RBM6: variants seen among roughly 807,000 people sequenced by gnomAD.
RBM6 encodes RNA-binding protein 6.
A neutral mutation model predicts 140.4 loss-of-function variants in RBM6; 23 were observed. The observed-to-expected ratio is 0.16, with a 90% CI of 0.12 to 0.23. RBM6 has a LOEUF of 0.23. Among genes scored for constraint, RBM6 ranks in the 10% least tolerant of loss-of-function variants. The pLI is 1.00. For missense variants in RBM6, 1,139 were observed against 1,386.7 expected, an observed-to-expected ratio of 0.82 and a Z score of 2.84; for synonymous variants, 439 against 475.6, an observed-to-expected ratio of 0.92 and a Z score of 1.00.
chr3:49,976,843 A>T (rs2085083947), intron 5 of RBM6, among the ~76,000 whole-genome samples: 1 of 152,202 alleles, frequency 6.6e-6, no homozygotes, highest in Admixed American at 6.5e-5. Context: ...GAATTGGCAG[A>T]CTGAAGACAT....
intron 1 of RBM6, among the ~76,000 whole-genome samples, chr3:49,960,413 A>G (rs1203143630): frequency 6.6e-6 from 1 of 152,168 alleles, no homozygotes; most frequent in Admixed American, 6.6e-5. Context: ...TGTTTTTCTG[A>G]TGTTTCTATG....
At chr3:49,954,304 G>C (rs551638819) in intron 1 of RBM6, among the ~76,000 whole-genome samples, 1 of 152,062 alleles carries the variant, frequency 6.6e-6, no homozygotes, top group South Asian at 2.1e-4. Flanking sequence ...GCTGGGCGTG[G>C]TGGCACGTGC....
At chr3:50,047,302 G>T (rs2089268588) in intron 6 of RBM6, 1 of 985,260 alleles carries the variant, frequency 1.0e-6, no homozygotes, top group South Asian at 4.7e-5. Flanking sequence ...ACAGCGCAGG[G>T]GCTAGTTCCA....
chr3:50,068,582 T>C (rs765833335), intron 17 of RBM6, 108 bp from the exon 18 acceptor site: 14 of 938,302 alleles, frequency 1.5e-5, no homozygotes, highest in Non-Finnish European at 2.3e-5. Context: ...GTAGATCTGA[T>C]CAATCAAAAG....
Position 50,066,325 on chromosome 3 carries a change from G to A in RBM6, c.2766G>A (p.Gln922=), listed in dbSNP as rs147895205. Residue 922 remains glutamine, a synonymous_variant, in exon 17 of 21, where the codon CAG becomes CAA. Coordinates refer to ENST00000266022, the MANE Select transcript of RBM6 (RefSeq NM_005777.3). ...ATGAGGAGGAAGAAGAGGAGGAACA[G>A]ACCCCTCCCCCACAGCCCCGCACAG... ...SDYEEEEEEE[Q]TPPPQPRTAQ... is the part of the protein sequence containing the mutation. 2.0e-3 allele frequency: 3,254 copies of A among 1,614,106 alleles called. 7 individuals are homozygous for A. Among genetic ancestry groups the A allele is most frequent in the Non-Finnish European group, 2.6e-3 (3,076 of 1,180,026 alleles).
At chr3:49,945,694 A>G (rs1027004497) in intron 1 of RBM6, among the ~76,000 whole-genome samples, 3 of 152,116 alleles carry the variant, frequency 2.0e-5, no homozygotes, top group Admixed American at 2.0e-4. Context: ...CATCCTGGCC[A>G]ACACGGTGAA....
intron 6 of RBM6, among the ~76,000 whole-genome samples, chr3:50,031,856 A>G (rs1200805908): frequency 1.3e-5 from 2 of 152,154 alleles, no homozygotes; most frequent in Non-Finnish European, 2.9e-5. Context: ...ATTGGTTGTA[A>G]CTCAAAAGAT....
chr3:49,993,907 A>C (rs1389629553), intron 5 of RBM6, among the ~76,000 whole-genome samples: 1 of 152,054 alleles, frequency 6.6e-6, no homozygotes, highest in East Asian at 1.9e-4. Flanking sequence ...GTGCCATTGC[A>C]CTCTAGCCTG....
intron 6 of RBM6, among the ~76,000 whole-genome samples, chr3:50,022,709 T>C (rs763718285): frequency 2.0e-5 from 3 of 152,196 alleles, no homozygotes; most frequent in African/African-American, 7.2e-5. Flanking sequence ...ATATTTCTTT[T>C]GTGACTTGTT....
intron 5 of RBM6, among the ~76,000 whole-genome samples, chr3:49,992,936 A>T (rs2085893174): frequency 6.6e-6 from 1 of 152,164 alleles, no homozygotes; most frequent in South Asian, 2.1e-4. Flanking sequence ...CTTTTTCCTG[A>T]TTGTTGCTTT....
At chr3:50,000,149 G>C in intron 6 of RBM6, among the ~76,000 whole-genome samples, 1 of 152,262 alleles carries the variant, frequency 6.6e-6, no homozygotes, top group South Asian at 2.1e-4. Context: ...GAGTTACTCA[G>C]CTTGCCACCT....
chr3:49,959,044 C>T (rs186521047), intron 1 of RBM6, among the ~76,000 whole-genome samples: 29 of 152,086 alleles, frequency 1.9e-4, no homozygotes, highest in African/African-American at 6.0e-4. Flanking sequence ...CAACCCACTT[C>T]GGCCTCCCAA....
At chr3:49,982,964 G>T (rs767025985) in intron 5 of RBM6, among the ~76,000 whole-genome samples, 6 of 151,948 alleles carry the variant, frequency 3.9e-5, no homozygotes, top group African/African-American at 4.8e-5. Flanking sequence ...CACCTGCCTC[G>T]GCCTCCCAAA....
At position 50,057,718 on chromosome 3, in the gene RBM6, G is replaced by A. The variant is rs756088953; in HGVS notation, c.1694-10G>A. On this transcript the variant is annotated splice_polypyrimidine_tract_variant and intron_variant, in intron 8 of 20. Transcript: ENST00000266022. The stretch of plus-strand genomic sequence containing the variant: ...CTTTCTAGAGATTCTCTTTGTTTCT[G>A]TTCCACTAGTGACAGAGGCCAAGCA... The A allele has an allele frequency of 2.8e-6, 4 of 1,432,620 alleles. No individual in the cohort carries two copies. The highest frequency in any genetic ancestry group is 4.1e-5 in the Admixed American group (2 of 48,638). The allele number at this position is 1,432,620 out of a possible 1,614,324, so 88.7% of individuals were successfully genotyped here.
intron 1 of RBM6, among the ~76,000 whole-genome samples, chr3:49,943,388 G>A (rs1255328754): frequency 2.6e-5 from 4 of 151,852 alleles, no homozygotes; most frequent in East Asian, 3.9e-4. Context: ...CTGCAGCCTC[G>A]AACTCGAGCT....
chr3:49,953,751 C>T (rs749844877), intron 1 of RBM6, among the ~76,000 whole-genome samples: 8 of 150,958 alleles, frequency 5.3e-5, no homozygotes, highest in South Asian at 4.2e-4. Context: ...AATTCCTGAC[C>T]TCAGATGATC....
At chr3:50,000,992 C>G (rs2086301404) in intron 6 of RBM6, among the ~76,000 whole-genome samples, 1 of 152,166 alleles carries the variant, frequency 6.6e-6, no homozygotes, top group South Asian at 2.1e-4. Context: ...GAATGACAGG[C>G]TTAGGACCAT....
At chr3:49,961,536 C>T (rs1258391122) in intron 1 of RBM6, among the ~76,000 whole-genome samples, 3 of 152,010 alleles carry the variant, frequency 2.0e-5, no homozygotes, top group Non-Finnish European at 4.4e-5. Flanking sequence ...CACGGTGGCT[C>T]ACGCCTGTAA....
At chr3:49,982,719 A>G (rs1256137367) in intron 5 of RBM6, among the ~76,000 whole-genome samples, 1 of 147,938 alleles carries the variant, frequency 6.8e-6, no homozygotes, top group Non-Finnish European at 1.5e-5. Context: ...TGTCTGGCCT[A>G]TTTTTAAATT....
Sources: gnomAD v4.1 joint callset for allele counts (sites outside exome capture counted in the v4.1 genomes callset) on GRCh38, gnomAD v4.1.1 for gene constraint, MANE v1.5 for transcripts, NCBI Gene and HGNC (gene_info 2026-07-23, HGNC 2026-07-21) for gene names.